Variants in GMDS observed in about 807,000 individuals in gnomAD.
The protein encoded by GMDS is GDP-mannose 4,6 dehydratase.
GMDS carries 20 observed loss-of-function variants against 49.9 expected under a neutral mutation model. The ratio of observed to expected loss-of-function variants is 0.40; its 90% CI spans 0.28 to 0.58. The LOEUF is 0.58. GMDS is among the 20% of genes least tolerant of loss of function. The probability of loss-of-function intolerance (pLI) is 0.42; values close to 1 mark genes in which losing one functional copy is unlikely to be tolerated. For missense variants in GMDS, 362 were observed against 481.4 expected (o/e 0.75, Z 2.32); for synonymous variants, 177 against 178.6 (o/e 0.99, Z 0.07).
intron 7 of GMDS, among the ~76,000 whole-genome samples, chr6:1,848,937 G>A (rs1006038065): frequency 6.6e-6 from 1 of 152,118 alleles, no homozygotes; most frequent in African/African-American, 2.4e-5. Flanking sequence ...TTGTTGTGGG[G>A]GCTTTCCTGT....
At chr6:1,670,290 T>C (rs1241399840) in intron 9 of GMDS, among the ~76,000 whole-genome samples, 1 of 151,942 alleles carries the variant, frequency 6.6e-6, no homozygotes, top group Non-Finnish European at 1.5e-5. Context: ...AGGTGTTGCA[T>C]ACGACTTTCA....
intron 4 of GMDS, among the ~76,000 whole-genome samples, chr6:2,080,423 T>G (rs1259008463): frequency 6.6e-6 from 1 of 152,212 alleles, no homozygotes; most frequent in Non-Finnish European, 1.5e-5. Flanking sequence ...TACTTGGGCA[T>G]CTGGTGTCAG....
intron 9 of GMDS, among the ~76,000 whole-genome samples, chr6:1,652,162 A>G (rs567960949): frequency 6.7e-6 from 1 of 150,272 alleles, no homozygotes; most frequent in African/African-American, 2.5e-5. Context: ...ATCTGAGGTC[A>G]AGAGTTCGAG....
chr6:2,220,867 C>CTG (rs1780553680), intron 1 of GMDS, among the ~76,000 whole-genome samples: 1 of 152,098 alleles, frequency 6.6e-6, no homozygotes, highest in African/African-American at 2.4e-5. Flanking sequence ...GGTAATAAAG[C>CTG]TGTGGCCTTC....
intron 4 of GMDS, among the ~76,000 whole-genome samples, chr6:2,106,263 A>G (rs531202604): frequency 3.9e-5 from 6 of 152,340 alleles, no homozygotes; most frequent in Admixed American, 1.3e-4. Flanking sequence ...TTTACAGTAC[A>G]AAGTAGCAGA....
At chr6:1,813,322 A>G (rs998146498) in intron 7 of GMDS, among the ~76,000 whole-genome samples, 5 of 152,026 alleles carry the variant, frequency 3.3e-5, no homozygotes, top group African/African-American at 9.7e-5. Flanking sequence ...GGAAAGAATA[A>G]GAATTATTTT....
chr6:2,201,393 C>T (rs1197631316), intron 1 of GMDS, among the ~76,000 whole-genome samples: 3 of 106,694 alleles, frequency 2.8e-5, no homozygotes, highest in African/African-American at 1.1e-4. Context: ...TGAGATGAAA[C>T]CATCTAGGCA....
chr6:1,826,858 G>C (rs1156232496), intron 7 of GMDS, among the ~76,000 whole-genome samples: 1 of 151,986 alleles, frequency 6.6e-6, no homozygotes. Context: ...CTTGAGGCCA[G>C]GAGTTTGAGA....
intron 4 of GMDS, among the ~76,000 whole-genome samples, chr6:2,012,983 G>T (rs889997319): frequency 1.3e-5 from 2 of 152,046 alleles, no homozygotes; most frequent in African/African-American, 4.8e-5. Flanking sequence ...CTGACCTAGG[G>T]GAAAAGCAGA....
chr6:2,078,670 T>C (rs1035925586), intron 4 of GMDS, among the ~76,000 whole-genome samples: 1 of 152,124 alleles, frequency 6.6e-6, no homozygotes, highest in African/African-American at 2.4e-5. Context: ...GTTACCTATT[T>C]TGTGGCCTAA....
intron 7 of GMDS, among the ~76,000 whole-genome samples, chr6:1,754,448 G>T (rs1234502026): frequency 1.3e-5 from 2 of 152,130 alleles, no homozygotes; most frequent in African/African-American, 4.8e-5. Flanking sequence ...TCTACCAGAG[G>T]TACAAAGAGG....
chr6:2,148,080 T>C (rs1226479611), intron 1 of GMDS, among the ~76,000 whole-genome samples: 3 of 152,110 alleles, frequency 2.0e-5, no homozygotes, highest in Admixed American at 2.0e-4. Context: ...GTCCTGTGTT[T>C]TGAAACACAT....
intron 9 of GMDS, among the ~76,000 whole-genome samples, chr6:1,708,868 T>C (rs1419755022): frequency 6.6e-6 from 1 of 152,240 alleles, no homozygotes; most frequent in African/African-American, 2.4e-5. Context: ...TAAGTAAGTG[T>C]GTCCAGTCAT....
At chr6:2,232,827 C>T (rs9392375) in intron 1 of GMDS, among the ~76,000 whole-genome samples, 19,022 of 152,168 alleles carry the variant, frequency 0.13, 1,256 homozygotes, top group Middle Eastern at 0.23. Flanking sequence ...ACCTTCTCCC[C>T]TTCAGCCTCT....
chr6:1,850,645 T>C (rs1757622612), intron 7 of GMDS, among the ~76,000 whole-genome samples: 1 of 151,850 alleles, frequency 6.6e-6, no homozygotes, highest in Non-Finnish European at 1.5e-5. Flanking sequence ...GGGAACAGGG[T>C]CAAACGAGGG....
intron 1 of GMDS, among the ~76,000 whole-genome samples, chr6:2,155,278 T>C (rs1010278591): frequency 4.6e-5 from 7 of 152,178 alleles, no homozygotes; most frequent in African/African-American, 1.7e-4. Context: ...GTAATTATAT[T>C]TTAACAGACA....
intron 7 of GMDS, among the ~76,000 whole-genome samples, chr6:1,855,270 T>C (rs1221328861): frequency 6.6e-6 from 1 of 152,212 alleles, no homozygotes; most frequent in African/African-American, 2.4e-5. Context: ...TGTTAGCCAT[T>C]CACATCAACA....
intron 4 of GMDS, among the ~76,000 whole-genome samples, chr6:1,969,289 A>AAAAAAAAAAAAAAAAAAG (rs56095985): frequency 1.2e-5 from 1 of 84,354 alleles, no homozygotes; most frequent in African/African-American, 4.3e-5. Context: ...AAAAAAAAAA[A>AAAAAAAAAAAAAAAAAAG]AGAGAAAGAA....
intron 4 of GMDS, among the ~76,000 whole-genome samples, chr6:1,992,106 C>T (rs1330557446): frequency 6.6e-6 from 1 of 152,212 alleles, no homozygotes; most frequent in African/African-American, 2.4e-5. Flanking sequence ...TTGTTTAAGC[C>T]ACACAGTGTG....
Sources: gnomAD v4.1 joint callset for allele counts (sites outside exome capture counted in the v4.1 genomes callset) on GRCh38, gnomAD v4.1.1 for gene constraint, MANE v1.5 for transcripts, NCBI Gene and HGNC (gene_info 2026-07-23, HGNC 2026-07-21) for gene names.